ADAMTS2: variants seen among roughly 807,000 people sequenced by gnomAD.
ADAMTS2 encodes the protein ADAM metallopeptidase with thrombospondin type 1 motif 2.
In ADAMTS2, 50 loss-of-function variants were observed where a neutral mutation model predicts 123.0. The ratio of observed to expected loss-of-function variants is 0.41; its 90% confidence interval spans 0.32 to 0.51. The LOEUF (loss-of-function observed/expected upper bound fraction) is 0.51, where lower values mean the gene tolerates loss of function less well. ADAMTS2 is among the 20% of genes least tolerant of loss of function. ADAMTS2 has a pLI of 0.35. For missense variants in ADAMTS2, 1,494 were observed against 1,705.2 expected (o/e 0.88, Z 2.18); for synonymous variants, 678 against 695.4 (o/e 0.98, Z 0.39).
chr5:179,314,655 A>C lies in ADAMTS2; in HGVS notation c.534+29112T>G, dbSNP rs562890882. On this transcript the variant is annotated intron_variant, in intron 2 of 21. Transcript: ENST00000251582. The surrounding 1 kb of genome is among the most constrained non-coding windows in gnomAD (Gnocchi z 4.5). The stretch of plus-strand genomic sequence containing the variant: ...GCAGAGGCCCATGTGCTTGTCCCAC[A>C]GGGTGACGGGCCAGAATTACAAGCC... Among the ~76,000 whole-genome samples the C allele has an allele frequency of 7.0e-4, 106 of 152,180 alleles. No homozygotes were observed. Among genetic ancestry groups the C allele is most frequent in the African/African-American group, 2.3e-3 (96 of 41,504 alleles).
At chr5:179,231,123 G>A (rs1765403177) in intron 3 of ADAMTS2, among the ~76,000 whole-genome samples, 3 of 152,084 alleles carry the variant, frequency 2.0e-5, no homozygotes, top group South Asian at 2.1e-4. Flanking sequence ...ACATGCACAC[G>A]CATTCTGAAA....
Position 179,307,442 on chromosome 5 carries a change from C to T in ADAMTS2, c.535-34378G>A, listed in dbSNP as rs190389841. Among the ~76,000 whole-genome samples, 8 of 152,306 alleles carry T rather than the reference C, an allele frequency of 5.3e-5. No individual in the cohort carries two copies. The East Asian group carries it at 5.8e-4, about 11-fold the overall frequency. On this transcript the variant is annotated intron_variant, in intron 2 of 21. Coordinates refer to ENST00000251582, the MANE Select transcript of ADAMTS2 (RefSeq NM_014244.5). This position sits in a 1 kb window ranked among gnomAD's most constrained non-coding sequence, Gnocchi z 5.6. ...CAGCCCGGTCCGGGGGGCACCACCACGCAGGGGCTTCCCGGGTCATGCTGC... is the reference window on the plus strand; with the variant it reads ...CAGCCCGGTCCGGGGGGCACCACCATGCAGGGGCTTCCCGGGTCATGCTGC...
At chr5:179,320,908 A>G (rs1175679513) in intron 2 of ADAMTS2, among the ~76,000 whole-genome samples, 20 of 152,200 alleles carry the variant, frequency 1.3e-4, no homozygotes, top group Admixed American at 5.9e-4. Flanking sequence ...TCTGCCTCAG[A>G]GAAGAGCAGG....
rs556600340 is a variant in ADAMTS2, at chr5:179,314,328, C to T, written c.534+29439G>A. Among the ~76,000 whole-genome samples, 55 of 152,344 alleles carry T rather than the reference C, an allele frequency of 3.6e-4. 1 individual carries two copies. The Middle Eastern group carries it at 0.01, about 28-fold the overall frequency. On this transcript the variant is annotated intron_variant, in intron 2 of 21. Transcript: ENST00000251582. The surrounding 1 kb of genome is among the most constrained non-coding windows in gnomAD (Gnocchi z 4.5). ...CTGGGCCTCAGCCTCCTGGCTGCCA[C>T]GTCTCACTGGGAGCTGGGCGGCCGC...
chr5:179,199,864 T>C (rs1299680662), intron 4 of ADAMTS2, among the ~76,000 whole-genome samples: 1 of 152,204 alleles, frequency 6.6e-6, no homozygotes, highest in Non-Finnish European at 1.5e-5. Context: ...AAAATAGCCA[T>C]CGCACAATTT....
At chr5:179,138,949 G>C (rs1044006849) in intron 11 of ADAMTS2, among the ~76,000 whole-genome samples, 8 of 152,240 alleles carry the variant, frequency 5.3e-5, no homozygotes, top group Non-Finnish European at 1.2e-4. Flanking sequence ...CTGTGCATCT[G>C]TGATGCCCAA....
intron 3 of ADAMTS2, among the ~76,000 whole-genome samples, chr5:179,268,542 C>T (rs1766434459): frequency 6.6e-6 from 1 of 152,214 alleles, no homozygotes; most frequent in Non-Finnish European, 1.5e-5. Context: ...CAAGGTCAGT[C>T]TCTGGGAAGC....
intron 3 of ADAMTS2, among the ~76,000 whole-genome samples, chr5:179,231,295 G>A (rs756344938): frequency 2.0e-5 from 3 of 152,196 alleles, no homozygotes; most frequent in African/African-American, 4.8e-5. Context: ...GATGCTGGAC[G>A]AGTAAGTACT....
intron 3 of ADAMTS2, among the ~76,000 whole-genome samples, chr5:179,268,164 G>A (rs1353638096): frequency 6.6e-6 from 1 of 152,166 alleles, no homozygotes; most frequent in Non-Finnish European, 1.5e-5. Flanking sequence ...ACCAAATTGA[G>A]GTCAAGGGAG....
At chr5:179,341,376 G>T in intron 2 of ADAMTS2, 2 of 353,620 alleles carry the variant, frequency 5.7e-6, no homozygotes, top group South Asian at 2.1e-5. Context: ...AAGGAAGGAA[G>T]GAAAGAGAAG....
At position 179,317,546 on chromosome 5, in the gene ADAMTS2, ACTCCTGCAC is replaced by A. The variant is rs1353559272; in HGVS notation, c.534+26212_534+26220del. 3.3e-5 allele frequency among the ~76,000 whole-genome samples: 5 copies of A among 151,590 alleles called. No homozygotes were observed. The highest frequency in any genetic ancestry group is 1.2e-4 in the African/African-American group (5 of 41,218). ...GCCATCCCAGCGACACTGTGTGGGG[ACTCCTGCAC>A]CTCTTCCTGCTGCCCAGACCATGGG... On this transcript the variant is annotated intron_variant, in intron 2 of 21. Transcript: ENST00000251582. The surrounding 1 kb of genome is among the most constrained non-coding windows in gnomAD (Gnocchi z 4.9).
At chr5:179,338,165 G>A (rs545539425) in intron 2 of ADAMTS2, among the ~76,000 whole-genome samples, 104 of 152,286 alleles carry the variant, frequency 6.8e-4, no homozygotes, top group Non-Finnish European at 1.0e-3. Context: ...GCTGGGCTCC[G>A]GCTGAGACCA....
At chr5:179,119,386 C>T (rs1234043231) in intron 21 of ADAMTS2, among the ~76,000 whole-genome samples, 1 of 152,216 alleles carries the variant, frequency 6.6e-6, no homozygotes, top group African/African-American at 2.4e-5. Context: ...TTCTCATGGC[C>T]TTCCACGCTT....
At chr5:179,339,313 C>T (rs1757704133) in intron 2 of ADAMTS2, among the ~76,000 whole-genome samples, 1 of 152,158 alleles carries the variant, frequency 6.6e-6, no homozygotes, top group Non-Finnish European at 1.5e-5. Flanking sequence ...CCTTGGAAAA[C>T]GAGTTGGGCC....
rs1347095899 is a variant in ADAMTS2 at position 179,307,791 on chromosome 5, A to G, written c.535-34727T>C. Among the ~76,000 whole-genome samples the G allele has an allele frequency of 2.0e-5, 3 of 152,176 alleles. No individual in the cohort carries two copies. Among genetic ancestry groups the G allele is most frequent in the African/African-American group, 7.2e-5 (3 of 41,438 alleles). On this transcript the variant is annotated intron_variant, in intron 2 of 21. Coordinates refer to ENST00000251582, the MANE Select transcript of ADAMTS2 (RefSeq NM_014244.5). The surrounding 1 kb of genome is among the most constrained non-coding windows in gnomAD (Gnocchi z 5.6). ...GCCTTCTTCCAGAAGTCCAGGTCCTAGCTCCGATGCCTCCTCACAAGGACC... is the reference window on the plus strand; with the variant it reads ...GCCTTCTTCCAGAAGTCCAGGTCCTGGCTCCGATGCCTCCTCACAAGGACC...
At position 179,189,914 on chromosome 5, in the gene ADAMTS2, C is replaced by T. The variant is rs773632922; in HGVS notation, c.892-8759G>A. On this transcript the variant is annotated intron_variant, in intron 4 of 21. Transcript: ENST00000251582. This position sits in a 1 kb window ranked among gnomAD's most constrained non-coding sequence, Gnocchi z 4.2. ...GGGCGGGTCCGGCGGGGGCGGGTGG[C>T]AATATCACAAAGTACATTACCCCAA... Among the ~76,000 whole-genome samples, 5 of 151,694 alleles carry T rather than the reference C, an allele frequency of 3.3e-5. No individual in the cohort carries two copies. The highest frequency in any genetic ancestry group is 5.9e-5 in the Non-Finnish European group (4 of 67,962).
At chr5:179,152,042 G>GCCCCCA in intron 10 of ADAMTS2, 100 bp downstream of exon 10, 1 of 1,086,232 alleles carries the variant, frequency 9.2e-7, no homozygotes. Context: ...CCCTGAGAGG[G>GCCCCCA]CCCCCACCCC....
In ADAMTS2 at chr5:179,262,317, C is replaced by G. The variant is rs1160544328; in HGVS notation, c.688+10594G>C. On this transcript the variant is annotated intron_variant, in intron 3 of 21. Coordinates refer to ENST00000251582, the MANE Select transcript of ADAMTS2 (RefSeq NM_014244.5). The surrounding 1 kb of genome is among the most constrained non-coding windows in gnomAD (Gnocchi z 5.9). ...GTGTCCTTGATTCCTTCCTTCACACCACGTCCCGGAAGCTCCACCTCAAAC... is the reference window on the plus strand; with the variant it reads ...GTGTCCTTGATTCCTTCCTTCACACGACGTCCCGGAAGCTCCACCTCAAAC... Among the ~76,000 whole-genome samples, 3 of 152,058 alleles carry G rather than the reference C, an allele frequency of 2.0e-5. No individual in the cohort carries two copies. The highest frequency in any genetic ancestry group is 4.4e-5 in the Non-Finnish European group (3 of 68,012).
At chr5:179,148,666 G>A (rs569387188) in intron 10 of ADAMTS2, among the ~76,000 whole-genome samples, 1 of 152,266 alleles carries the variant, frequency 6.6e-6, no homozygotes, top group Non-Finnish European at 1.5e-5. Flanking sequence ...CTTCCTTCCT[G>A]GTCCTCCTCG....
Sources: gnomAD v4.1 joint callset for allele counts (sites outside exome capture counted in the v4.1 genomes callset) on GRCh38, gnomAD v4.1.1 for gene constraint, Gnocchi (gnomAD v3.1) non-coding constraint, MANE v1.5 for transcripts, NCBI Gene and HGNC (gene_info 2026-07-23, HGNC 2026-07-21) for gene names.